Variants in FAM83A observed in about 807,000 individuals in gnomAD.
FAM83A encodes protein FAM83A.
In FAM83A, 21 loss-of-function variants were observed where a neutral mutation model predicts 24.4. The observed-to-expected ratio is 0.86, with a 90% CI of 0.61 to 1.24. The LOEUF (loss-of-function observed/expected upper bound fraction) is 1.24. Among genes scored for constraint, FAM83A ranks in the 50% most tolerant of loss-of-function variants. FAM83A has a pLI of 0.00. For synonymous variants in FAM83A, 270 were observed against 252.4 expected, an observed-to-expected ratio of 1.07 and a Z score of -0.66; for missense variants, 617 against 579.8, an observed-to-expected ratio of 1.06 and a Z score of -0.66.
At chr8:123,200,716 G>A (rs1824319769) in intron 3 of FAM83A, among the ~76,000 whole-genome samples, 1 of 152,172 alleles carries the variant, frequency 6.6e-6, no homozygotes, top group South Asian at 2.1e-4. Context: ...CACTTTGGGA[G>A]GCCGAGGCGG....
At chr8:123,188,684 A>T (rs7814186) in intron 1 of FAM83A, among the ~76,000 whole-genome samples, 39,834 of 151,926 alleles carry the variant, frequency 0.26, 5,596 homozygotes, top group African/African-American at 0.37. Flanking sequence ...GGTTTCGCCA[A>T]GTTGCCCAGG....
exon 3 of FAM83A, chr8:123,194,107 C>G (rs2131080212): frequency 6.2e-7 from 1 of 1,614,152 alleles, no homozygotes; most frequent in South Asian, 1.1e-5. Flanking sequence ...GGGAGAAGTT[C>G]ATCATCTCGG....
At chr8:123,185,160 G>A (rs1429610281) in intron 1 of FAM83A, among the ~76,000 whole-genome samples, 1 of 152,218 alleles carries the variant, frequency 6.6e-6, no homozygotes, top group Non-Finnish European at 1.5e-5. Flanking sequence ...TGCCTTTGTG[G>A]CCCGGCGCTG....
intron 1 of FAM83A, among the ~76,000 whole-genome samples, chr8:123,191,179 A>G: frequency 6.6e-6 from 1 of 152,178 alleles, no homozygotes; most frequent in East Asian, 1.9e-4. Flanking sequence ...AATGCTTGGC[A>G]GGAGGAACAC....
chr8:123,194,549 T>TCA (rs1181137636), intron 3 of FAM83A, among the ~76,000 whole-genome samples: 1 of 150,018 alleles, frequency 6.7e-6, no homozygotes, highest in African/African-American at 2.4e-5. Flanking sequence ...AGTGGTGCAA[T>TCA]CACAGCTCAT....
At chr8:123,207,819 C>T (rs1824616482) in exon 4 of FAM83A, 1 of 1,401,996 alleles carries the variant, frequency 7.1e-7, no homozygotes, top group Admixed American at 3.2e-5. Flanking sequence ...TGCCATGGTT[C>T]AATGTTCCCA....
chr8:123,187,286 G>A (rs1823834595), intron 1 of FAM83A, among the ~76,000 whole-genome samples: 1 of 152,150 alleles, frequency 6.6e-6, no homozygotes, highest in Non-Finnish European at 1.5e-5. Context: ...GCATGGTGTG[G>A]GGGATCCCTG....
chr8:123,182,449 G>C (rs1383870962), upstream of FAM83A: 2 of 401,702 alleles, frequency 5.0e-6, no homozygotes, highest in Admixed American at 2.7e-5. Flanking sequence ...AGCTGGGCTG[G>C]TGGTGCCAGG....
intron 1 of FAM83A, among the ~76,000 whole-genome samples, chr8:123,189,552 C>T (rs1280244992): frequency 4.6e-5 from 7 of 152,220 alleles, no homozygotes; most frequent in African/African-American, 1.7e-4. Flanking sequence ...GGCAAACCTG[C>T]CTCCCATTCT....
chr8:123,194,758 G>C (rs1471435028), intron 3 of FAM83A, among the ~76,000 whole-genome samples: 1 of 152,146 alleles, frequency 6.6e-6, no homozygotes, highest in South Asian at 2.1e-4. Flanking sequence ...GCTGAGATTA[G>C]AGGCGTGAGC....
intron 1 of FAM83A, among the ~76,000 whole-genome samples, chr8:123,184,717 T>G (rs1253914550): frequency 1.3e-5 from 2 of 152,228 alleles, no homozygotes; most frequent in Non-Finnish European, 2.9e-5. Context: ...CACACCTCAC[T>G]CCTGCTGCTG....
At chr8:123,186,272 C>A (rs572039592) in intron 1 of FAM83A, among the ~76,000 whole-genome samples, 13 of 152,300 alleles carry the variant, frequency 8.5e-5, no homozygotes, top group Admixed American at 3.3e-4. Flanking sequence ...CACACCCCCC[C>A]ACGTGCAGGG....
intron 3 of FAM83A, chr8:123,202,812 C>G (rs1387077806): frequency 6.6e-6 from 1 of 152,178 alleles, no homozygotes; most frequent in Non-Finnish European, 1.5e-5. Flanking sequence ...AAAGGATGTT[C>G]TGGAAATTAT....
intron 1 of FAM83A, among the ~76,000 whole-genome samples, chr8:123,186,271 C>T (rs1396162403): frequency 6.6e-6 from 1 of 152,172 alleles, no homozygotes; most frequent in African/African-American, 2.4e-5. Context: ...ACACACCCCC[C>T]CACGTGCAGG....
exon 2 of FAM83A, chr8:123,191,823 T>A: frequency 1.9e-6 from 3 of 1,614,012 alleles, no homozygotes; most frequent in Non-Finnish European, 2.5e-6. Context: ...TCCTGATGGA[T>A]GTGTTCACGG....
chr8:123,207,698 C>G, exon 4 of FAM83A: 1 of 1,464,420 alleles, frequency 6.8e-7, no homozygotes, highest in Non-Finnish European at 9.0e-7. Flanking sequence ...AAGGTCCCAT[C>G]CCCTGCTGCC....
chr8:123,202,302 G>A (rs1189973184), intron 3 of FAM83A: 1 of 152,904 alleles, frequency 6.5e-6, no homozygotes, highest in Admixed American at 6.5e-5. Context: ...TCGAGTCGCA[G>A]GGCCTTTGCA....
intron 1 of FAM83A, among the ~76,000 whole-genome samples, chr8:123,188,077 GT>G (rs1823862406): frequency 6.6e-6 from 1 of 151,272 alleles, no homozygotes; most frequent in African/African-American, 2.4e-5. Context: ...GTTTCACCAT[GT>G]TGGCCAGGCT....
intron 3 of FAM83A, among the ~76,000 whole-genome samples, chr8:123,206,855 C>A (rs1197343861): frequency 6.6e-6 from 1 of 152,114 alleles, no homozygotes; most frequent in Non-Finnish European, 1.5e-5. Context: ...CCCACAACTC[C>A]CAGACTGGTC....
Sources: gnomAD v4.1 joint callset for allele counts (sites outside exome capture counted in the v4.1 genomes callset) on GRCh38, gnomAD v4.1.1 for gene constraint, MANE v1.5 for transcripts, NCBI Gene and HGNC (gene_info 2026-07-23, HGNC 2026-07-21) for gene names.